Variants in XYLB observed in about 807,000 individuals in gnomAD.
XYLB encodes xylulose kinase.
XYLB carries 62 observed loss-of-function variants against 78.7 expected under a neutral mutation model. That is an observed-to-expected ratio of 0.79 (90% CI 0.64 to 0.97). XYLB has a LOEUF of 0.97. Ranked by LOEUF, XYLB falls within the 50% of genes least tolerant of loss-of-function variation. The probability of loss-of-function intolerance (pLI) is 0.00; values close to 1 mark genes in which losing one functional copy is unlikely to be tolerated. For missense variants in XYLB, 687 were observed against 676.8 expected (o/e 1.02, Z -0.17); for synonymous variants, 245 against 247.4 (o/e 0.99, Z 0.09).
Position 38,371,584 on chromosome 3 carries a change from T to G in XYLB, c.766-1071T>G, listed in dbSNP as rs375157522. 4.6e-5 allele frequency among the ~76,000 whole-genome samples: 7 copies of G among 152,240 alleles called. No individual in the cohort carries two copies. The East Asian group carries it at 1.2e-3, about 25-fold the overall frequency. On this transcript the variant is annotated intron_variant, in intron 9 of 18. Coordinates refer to ENST00000207870, the MANE Select transcript of XYLB (RefSeq NM_005108.4). ...CCACCGCACCCGGCCTAATTTTTTT[T>G]TATTTTGGTAGTGACAGGGTCTCAC...
intron 2 of XYLB, among the ~76,000 whole-genome samples, chr3:38,351,148 G>T (rs1013932384): frequency 2.1e-5 from 2 of 96,846 alleles, no homozygotes; most frequent in African/African-American, 7.3e-5. Flanking sequence ...CTCCAGCCTG[G>T]ACAACAGAGG....
the XYLB span, among the ~76,000 whole-genome samples, chr3:38,442,868 C>T: frequency 1.3e-3 from 198 of 151,856 alleles, no homozygotes; most frequent in African/African-American, 4.3e-3. Flanking sequence ...TTGGATTGGG[C>T]GGGCATTTTT....
the XYLB span, among the ~76,000 whole-genome samples, chr3:38,430,844 T>A: frequency 7.2e-5 from 11 of 152,202 alleles, no homozygotes; most frequent in African/African-American, 2.4e-4. Context: ...TTCTCAGGTT[T>A]GTCAAAGATC....
intron 8 of XYLB, among the ~76,000 whole-genome samples, chr3:38,369,091 C>T (rs1041672872): frequency 6.6e-6 from 1 of 152,096 alleles, no homozygotes; most frequent in African/African-American, 2.4e-5. Flanking sequence ...AGCCCAGAGC[C>T]GTGGATATGG....
At chr3:38,421,575 AG>A (rs1408998434), downstream of XYLB, among the ~76,000 whole-genome samples, 1 of 152,274 alleles carries the variant, frequency 6.6e-6, no homozygotes, top group East Asian at 1.9e-4. Context: ...GTCTGGGAAA[AG>A]GTAGGCAGCA....
chr3:38,429,180 C>G, the XYLB span, among the ~76,000 whole-genome samples: 1 of 152,158 alleles, frequency 6.6e-6, no homozygotes, highest in Non-Finnish European at 1.5e-5. Context: ...TTCATGTGGG[C>G]TTGGCCAAGG....
At chr3:38,435,645 C>T in the XYLB span, among the ~76,000 whole-genome samples, 1 of 152,276 alleles carries the variant, frequency 6.6e-6, no homozygotes, top group South Asian at 2.1e-4. Context: ...AATATAGATT[C>T]TTTTCATCAG....
At chr3:38,450,029 T>C in the XYLB span, among the ~76,000 whole-genome samples, 1 of 152,154 alleles carries the variant, frequency 6.6e-6, no homozygotes, top group Non-Finnish European at 1.5e-5. Flanking sequence ...GTCTAGGAAA[T>C]AACAGATAGC....
At chr3:38,365,495 A>G in intron 5 of XYLB, 113 bp from the exon 6 acceptor site, 1 of 1,519,590 alleles carries the variant, frequency 6.6e-7, no homozygotes, top group Non-Finnish European at 8.9e-7. Flanking sequence ...AACCAAGGTC[A>G]CCTGGGAAGA....
the XYLB span, among the ~76,000 whole-genome samples, chr3:38,432,508 A>G: frequency 3.3e-5 from 5 of 152,180 alleles, no homozygotes; most frequent in African/African-American, 1.2e-4. Flanking sequence ...CAGAGATTGC[A>G]GTGAGCTGAG....
chr3:38,409,852 A>T (rs1708498780), intron 18 of XYLB, among the ~76,000 whole-genome samples: 1 of 152,190 alleles, frequency 6.6e-6, no homozygotes, highest in Non-Finnish European at 1.5e-5. Flanking sequence ...CTTCAAGGAG[A>T]ACTACAAACC....
intron 10 of XYLB, among the ~76,000 whole-genome samples, chr3:38,373,186 C>T (rs538625011): frequency 3.9e-5 from 6 of 152,288 alleles, no homozygotes; most frequent in African/African-American, 1.2e-4. Flanking sequence ...GACACCTCAT[C>T]TCCTTCCCTA....
In XYLB at chr3:38,413,280, G is replaced by A; in HGVS notation, c.*267G>A. 2.5e-6 allele frequency: 1 copy of A among 394,102 alleles called. No individual in the cohort carries two copies. The highest frequency in any genetic ancestry group is 4.5e-6 in the Non-Finnish European group (1 of 224,596). 24.4% of individuals were successfully genotyped at this position (394,102 alleles called of 1,614,324 possible). A position where few individuals can be genotyped will look rare whatever the true frequency, so the allele number is the denominator to read the frequency against. On this transcript the variant is annotated 3_prime_UTR_variant, in exon 19 of 19. Transcript: ENST00000207870. ...ATCCCAGGAGGCAGGACAACACTGA[G>A]ACTGGGATATGTCCAATAAAAACTA... is the stretch of plus-strand genomic sequence containing the variant.
chr3:38,421,028 A>C (rs890413816), downstream of XYLB, among the ~76,000 whole-genome samples: 58 of 152,356 alleles, frequency 3.8e-4, no homozygotes, highest in African/African-American at 1.3e-3. Flanking sequence ...CTCCTCGCTG[A>C]GATTGCTTTG....
At chr3:38,393,148 AT>A (rs57095212) in intron 15 of XYLB, among the ~76,000 whole-genome samples, 4 of 145,960 alleles carry the variant, frequency 2.7e-5, no homozygotes, top group East Asian at 4.0e-4. Context: ...ACTCCCTTTC[AT>A]TTTTTTTTTC....
downstream of XYLB, among the ~76,000 whole-genome samples, chr3:38,415,887 G>A (rs758509992): frequency 5.3e-5 from 8 of 152,154 alleles, no homozygotes; most frequent in African/African-American, 1.9e-4. Flanking sequence ...ACCTACAATC[G>A]TGGCAGGAGG....
At chr3:38,365,348 C>A in intron 5 of XYLB, 63 bp downstream of exon 5, 1 of 1,536,202 alleles carries the variant, frequency 6.5e-7, no homozygotes, top group South Asian at 1.1e-5. Context: ...CCTGTGGGTC[C>A]TGAAGCCTGC....
chr3:38,347,072 C>A (rs1705105139), intron 1 of XYLB, 147 bp downstream of exon 1: 3 of 751,894 alleles, frequency 4.0e-6, no homozygotes, highest in Admixed American at 8.8e-5. Flanking sequence ...CGCGCCCCTG[C>A]CCTGCGCGCG....
intron 14 of XYLB, among the ~76,000 whole-genome samples, chr3:38,377,441 T>C (rs1476186286): frequency 1.0e-5 from 1 of 100,230 alleles, no homozygotes; most frequent in South Asian, 3.8e-4. Flanking sequence ...CATTTACTTT[T>C]CTTTTTTTTT....
Sources: allele counts gnomAD v4.1 joint callset (sites outside exome capture counted in the v4.1 genomes callset), GRCh38; gene constraint gnomAD v4.1.1; transcripts MANE v1.5; gene names NCBI Gene and HGNC (gene_info 2026-07-23, HGNC 2026-07-21).